DNAJC11: variants seen among roughly 807,000 people sequenced by gnomAD.
DNAJC11 encodes DnaJ heat shock protein family (Hsp40) member C11, also known as dnaJ homolog subfamily C member 11.
In DNAJC11, 15 loss-of-function variants were observed where a neutral mutation model predicts 78.6. That is an observed-to-expected ratio of 0.19 (90% CI 0.13 to 0.29). DNAJC11 has a LOEUF of 0.29. DNAJC11 is among the 10% of genes least tolerant of loss of function. DNAJC11 has a pLI of 1.00. For missense variants in DNAJC11, 547 were observed against 709.6 expected, an observed-to-expected ratio of 0.77 and a Z score of 2.60; for synonymous variants, 292 against 272.1, an observed-to-expected ratio of 1.07 and a Z score of -0.72.
intron 4 of DNAJC11, among the ~76,000 whole-genome samples, chr1:6,661,602 T>G (rs1642213410): frequency 6.6e-6 from 1 of 152,176 alleles, no homozygotes; most frequent in Non-Finnish European, 1.5e-5. Flanking sequence ...GTCCCTTTTC[T>G]CCTTACAAGA....
At chr1:6,649,856 C>T (rs552480236) in intron 7 of DNAJC11, among the ~76,000 whole-genome samples, 1 of 151,886 alleles carries the variant, frequency 6.6e-6, no homozygotes, top group Admixed American at 6.6e-5. Flanking sequence ...TACAGGCAAG[C>T]GCCACCATGC....
Position 6,651,663 on chromosome 1 carries a change from G to C in DNAJC11, c.631-61C>G, listed in dbSNP as rs1287144220. The C allele has an allele frequency of 2.3e-6, 3 of 1,293,456 alleles. No homozygotes were observed. The African/African-American group carries it at 4.4e-5, about 19-fold the overall frequency. 80.1% of individuals were successfully genotyped at this position (1,293,456 alleles called of 1,614,324 possible). ...GTTTTATCTCATAGCAGCAACCCAG[G>C]CTCAGGTATGTACCTCTAGGTATAA... is the stretch of plus-strand genomic sequence containing the variant. On this transcript the variant is annotated intron_variant, in intron 6 of 15. Transcript: ENST00000377577.
At chr1:6,652,720 CACA>C (rs1277109774) in intron 6 of DNAJC11, 106 bp downstream of exon 6, 4 of 1,466,864 alleles carry the variant, frequency 2.7e-6, no homozygotes, top group South Asian at 1.3e-5. Context: ...ACCGTTCTTA[CACA>C]ACAACGGGGC....
intron 1 of DNAJC11, among the ~76,000 whole-genome samples, chr1:6,689,553 T>C (rs1319438336): frequency 6.6e-6 from 1 of 152,086 alleles, no homozygotes; most frequent in Non-Finnish European, 1.5e-5. Flanking sequence ...TTTGGGATGC[T>C]GAGGCGAGCA....
intron 7 of DNAJC11, among the ~76,000 whole-genome samples, chr1:6,650,480 T>G (rs1348358247): frequency 1.3e-5 from 2 of 150,180 alleles, no homozygotes; most frequent in African/African-American, 4.9e-5. Context: ...GGAGGAGGAC[T>G]GCTTGACCCC....
intron 7 of DNAJC11, among the ~76,000 whole-genome samples, chr1:6,646,310 T>A (rs1641964821): frequency 6.6e-6 from 1 of 152,170 alleles, no homozygotes; most frequent in Non-Finnish European, 1.5e-5. Context: ...CAAGTCAGAA[T>A]CACCAACGGA....
intron 10 of DNAJC11, 27 bp downstream of exon 10, chr1:6,644,531 G>A: frequency 6.6e-7 from 1 of 1,509,052 alleles, no homozygotes. Context: ...GGCATTCCTT[G>A]ACCCGAAAGG....
chr1:6,638,201 G>A lies in DNAJC11; in HGVS notation c.1323+94C>T, dbSNP rs1641816390. 8 of 1,266,516 alleles carry A rather than the reference G, an allele frequency of 6.3e-6. 1 individual carries two copies. The highest frequency in any genetic ancestry group is 8.8e-6 in the Non-Finnish European group (8 of 910,212). 78.5% of individuals were successfully genotyped at this position (1,266,516 alleles called of 1,614,324 possible). A position where few individuals can be genotyped will look rare whatever the true frequency, so the allele number is the denominator to read the frequency against. On this transcript the variant is annotated intron_variant, in intron 12 of 15. Transcript: ENST00000377577. ...AGTGGAGAGCCAAGTTGTTGGAGAA[G>A]AGAAGTCTGACCTCTAAGGCCCTGA...
At chr1:6,672,024 G>A (rs1449020555) in intron 3 of DNAJC11, among the ~76,000 whole-genome samples, 1 of 151,958 alleles carries the variant, frequency 6.6e-6, no homozygotes, top group Non-Finnish European at 1.5e-5. Flanking sequence ...TAGTAGAGAT[G>A]ACATTTCACC....
intron 15 of DNAJC11, 136 bp from the exon 16 acceptor site, chr1:6,635,836 C>G (rs1404768129): frequency 2.3e-5 from 26 of 1,126,402 alleles, no homozygotes; most frequent in Non-Finnish European, 3.1e-5. Context: ...TGCTGAAAAT[C>G]AACTGCTGCT....
At chr1:6,670,712 T>TGA (rs1642366652) in intron 3 of DNAJC11, 1 of 152,202 alleles carries the variant, frequency 6.6e-6, no homozygotes, top group Non-Finnish European at 1.5e-5. Context: ...CAGTGATTGC[T>TGA]CTGTGACCTC....
At chr1:6,697,862 T>C (rs1404932185) in intron 1 of DNAJC11, among the ~76,000 whole-genome samples, 1 of 151,890 alleles carries the variant, frequency 6.6e-6, no homozygotes, top group Admixed American at 6.6e-5. Context: ...TGGAGTGCAG[T>C]GGCGCAATCT....
rs1419381618 is a variant in DNAJC11, at chr1:6,653,905, CT to C, written c.507+5del. 6.2e-7 allele frequency: 1 copy of C among 1,611,422 alleles called. No homozygotes were observed. The highest frequency in any genetic ancestry group is 1.3e-5 in the African/African-American group (1 of 74,842). Reference sequence around the variant, plus strand: ...CTGTACTCGGAGAGGTGGTTGTGTGCTTTACCTCAATGGACTGGGATATGTG... The same window carrying C: ...CTGTACTCGGAGAGGTGGTTGTGTGCTTACCTCAATGGACTGGGATATGTG... On this transcript the variant is annotated splice_donor_5th_base_variant and intron_variant, in intron 5 of 15. Coordinates refer to ENST00000377577, the MANE Select transcript of DNAJC11 (RefSeq NM_018198.4). This position sits in a 1 kb window ranked among gnomAD's most constrained non-coding sequence, Gnocchi z 4.5.
chr1:6,683,557 C>T (rs1014012105), intron 1 of DNAJC11, among the ~76,000 whole-genome samples: 1 of 152,168 alleles, frequency 6.6e-6, no homozygotes, highest in African/African-American at 2.4e-5. Context: ...CTTTGTGAGG[C>T]GTAATTGAGA....
chr1:6,646,454 G>GT (rs1422898703), intron 7 of DNAJC11, among the ~76,000 whole-genome samples: 1 of 152,176 alleles, frequency 6.6e-6, no homozygotes, highest in Non-Finnish European at 1.5e-5. Flanking sequence ...GGAGTGCTAA[G>GT]TGTCCCAATG....
chr1:6,668,032 G>A, intron 3 of DNAJC11: 1 of 530,598 alleles, frequency 1.9e-6, no homozygotes. Context: ...AGGTTGAAAT[G>A]AGTTTTCACT....
At chr1:6,692,857 C>T (rs1642768414) in intron 1 of DNAJC11, among the ~76,000 whole-genome samples, 1 of 151,988 alleles carries the variant, frequency 6.6e-6, no homozygotes, top group African/African-American at 2.4e-5. Context: ...GTGATCTGCC[C>T]GCCTCAGCCT....
At chr1:6,638,965 A>G (rs551386884) in intron 11 of DNAJC11, among the ~76,000 whole-genome samples, 6 of 152,360 alleles carry the variant, frequency 3.9e-5, no homozygotes, top group African/African-American at 1.4e-4. Flanking sequence ...CTAAGCCTCA[A>G]GCCTCCTAGG....
intron 1 of DNAJC11, among the ~76,000 whole-genome samples, chr1:6,684,520 G>GAGT (rs1406773382): frequency 2.0e-5 from 3 of 152,290 alleles, no homozygotes; most frequent in East Asian, 3.9e-4. Flanking sequence ...GATGACAAGA[G>GAGT]AGTAGAATAT....
Sources: allele counts gnomAD v4.1 joint callset (sites outside exome capture counted in the v4.1 genomes callset), GRCh38; gene constraint gnomAD v4.1.1; non-coding constraint Gnocchi (gnomAD v3.1); transcripts MANE v1.5; gene names NCBI Gene and HGNC (gene_info 2026-07-23, HGNC 2026-07-21).